The following NOSTRIN variants were observed in gnomAD, a reference collection of about 807,000 sequenced individuals.
NOSTRIN encodes the protein nitric oxide synthase trafficking, also known as BM247 homolog.
NOSTRIN carries 63 observed loss-of-function variants against 59.0 expected under a neutral mutation model. That is an observed-to-expected ratio of 1.07 (90% CI 0.87 to 1.32). NOSTRIN has a LOEUF of 1.32. Among genes scored for constraint, NOSTRIN ranks in the 40% most tolerant of loss-of-function variants. The probability of loss-of-function intolerance (pLI) is 0.00; values close to 1 mark genes in which losing one functional copy is unlikely to be tolerated. For synonymous variants in NOSTRIN, 200 were observed against 165.4 expected (o/e 1.21, Z -1.61); for missense variants, 512 against 473.1 (o/e 1.08, Z -0.76).
intron 10 of NOSTRIN, among the ~76,000 whole-genome samples, chr2:168,853,264 T>A (rs1420901035): frequency 2.0e-5 from 3 of 152,348 alleles, no homozygotes; most frequent in Middle Eastern, 3.4e-3. Flanking sequence ...TTTATAGTCA[T>A]TGTCAATAAG....
At chr2:168,831,560 G>A (rs200361405) in intron 6 of NOSTRIN, 26 bp downstream of exon 6, 208 of 838,602 alleles carry the variant, frequency 2.5e-4, no homozygotes, top group Non-Finnish European at 4.2e-4. Flanking sequence ...TACCATTTGT[G>A]TAAACTCAGT....
intron 10 of NOSTRIN, among the ~76,000 whole-genome samples, chr2:168,853,077 C>A (rs1688869297): frequency 6.6e-6 from 1 of 152,124 alleles, no homozygotes; most frequent in African/African-American, 2.4e-5. Flanking sequence ...TGTAAGGAGG[C>A]AGCCATGATG....
At chr2:168,796,359 G>A (rs1685479211), upstream of NOSTRIN, among the ~76,000 whole-genome samples, 1 of 152,330 alleles carries the variant, frequency 6.6e-6, no homozygotes, top group East Asian at 1.9e-4. Flanking sequence ...CCTGCTGACA[G>A]CTAGCTGCTC....
intron 11 of NOSTRIN, 22 bp downstream of exon 11, chr2:168,855,482 T>C: frequency 1.4e-6 from 2 of 1,385,544 alleles, no homozygotes; most frequent in Non-Finnish European, 2.0e-6. Flanking sequence ...TCTCTTTGAA[T>C]GGCCAGAAAA....
rs563683019 is a variant in NOSTRIN at position 168,828,231 on chromosome 2, C to G, written c.260+11C>G. The G allele has an allele frequency of 1.1e-6, 1 of 872,804 alleles. No individual in the cohort carries two copies. The highest frequency in any genetic ancestry group is 2.4e-5 in the East Asian group (1 of 41,714). 54.1% of individuals were successfully genotyped at this position (872,804 alleles called of 1,614,324 possible). On this transcript the variant is annotated intron_variant, in intron 4 of 15. Transcript: ENST00000317647. ...AGCGGACCTGCATCAGTGAGTTCTC[C>G]CACCCTGGCCTTTCTCCAACTCCAA...
At chr2:168,815,844 G>T (rs921374961) in intron 2 of NOSTRIN, among the ~76,000 whole-genome samples, 1 of 152,102 alleles carries the variant, frequency 6.6e-6, no homozygotes, top group Non-Finnish European at 1.5e-5. Context: ...CTAAAACAGG[G>T]TTTATCCACT....
Position 168,834,507 on chromosome 2 carries a change from G to GCACA in NOSTRIN, c.504+214_504+217dup, listed in dbSNP as rs1553527194. Among the ~76,000 whole-genome samples, 210 of 125,394 alleles carry GCACA rather than the reference G, an allele frequency of 1.7e-3. 1 individual carries two copies. The highest frequency in any genetic ancestry group is 1.8e-3 in the Non-Finnish European group (106 of 60,220). The allele number at this position is 125,394 out of a possible 152,430, so 82.3% of individuals were successfully genotyped here. A position where few individuals can be genotyped will look rare whatever the true frequency, so the allele number is the denominator to read the frequency against. On this transcript the variant is annotated intron_variant, in intron 7 of 15. Coordinates refer to ENST00000317647, the MANE Select transcript of NOSTRIN (RefSeq NM_001039724.4). ...TACTGGCGTGCGCGCGCGCGCGCGCGCACACACACACACACACACACACAC... is the reference window on the plus strand; with the variant it reads ...TACTGGCGTGCGCGCGCGCGCGCGCGCACACACACACACACACACACACACACAC...
Position 168,864,922 on chromosome 2 carries a change from T to C in NOSTRIN, c.1473T>C (p.Tyr491=). Residue 491 remains tyrosine, a synonymous_variant, in exon 16 of 16, where the codon TAT becomes TAC. Transcript: ENST00000317647. ...NGKKGHFPAA[Y]VEELPSNAGN... ...AAAAAGGCCATTTTCCTGCCGCTTA[T>C]GTGGAGGAGTTACCTTCAAATGCTG... is the stretch of plus-strand genomic sequence containing the variant. 5.0e-6 allele frequency: 8 copies of C among 1,614,122 alleles called. No individual in the cohort carries two copies. Among genetic ancestry groups the C allele is most frequent in the Non-Finnish European group, 6.8e-6 (8 of 1,180,008 alleles).
At chr2:168,815,253 C>G (rs556957681) in intron 2 of NOSTRIN, among the ~76,000 whole-genome samples, 3 of 152,304 alleles carry the variant, frequency 2.0e-5, no homozygotes, top group African/African-American at 7.2e-5. Context: ...CTTCTTTTAT[C>G]CAATTAGCTA....
At chr2:168,845,628 C>G (rs974712282) in intron 8 of NOSTRIN, among the ~76,000 whole-genome samples, 1 of 152,196 alleles carries the variant, frequency 6.6e-6, no homozygotes, top group Admixed American at 6.5e-5. Context: ...ACCACTCCCC[C>G]TTCTCAGCAT....
At chr2:168,831,422 A>G (rs1687354197) in intron 5 of NOSTRIN, 50 bp from the exon 6 acceptor site, 2 of 843,534 alleles carry the variant, frequency 2.4e-6, no homozygotes, top group Non-Finnish European at 4.2e-6. Context: ...TATTACAGCA[A>G]CTAAACAAGA....
At chr2:168,840,569 C>T (rs1688035347) in intron 7 of NOSTRIN, among the ~76,000 whole-genome samples, 1 of 150,264 alleles carries the variant, frequency 6.7e-6, no homozygotes, top group Non-Finnish European at 1.5e-5. Flanking sequence ...ACAGATATGT[C>T]CTGTGTAGGT....
chr2:168,807,727 G>A lies in NOSTRIN; in HGVS notation c.28-3840G>A, dbSNP rs570158695. Among the ~76,000 whole-genome samples the A allele has an allele frequency of 5.9e-5, 9 of 152,250 alleles. No individual in the cohort carries two copies. The South Asian group carries it at 8.3e-4, about 14-fold the overall frequency. On this transcript the variant is annotated intron_variant, in intron 1 of 15. Transcript: ENST00000317647. ...GAATTGGCAGAGTATGGCTGGGAGC[G>A]AGGTACGAGGCAAAGCCATGGGCCA...
chr2:168,787,908 C>T (rs1685246994), exon 2 of NOSTRIN: 1 of 151,934 alleles, frequency 6.6e-6, no homozygotes, highest in Admixed American at 6.6e-5. Flanking sequence ...GGTCTTACAG[C>T]CAGAAAGTGG....
chr2:168,830,086 G>A (rs763269549), intron 5 of NOSTRIN, among the ~76,000 whole-genome samples: 2 of 152,204 alleles, frequency 1.3e-5, no homozygotes, highest in Admixed American at 6.5e-5. Flanking sequence ...TTGCTAGCAA[G>A]CAATATAACC....
intron 15 of NOSTRIN, among the ~76,000 whole-genome samples, chr2:168,863,183 G>A (rs758557330): frequency 1.3e-5 from 2 of 152,132 alleles, no homozygotes; most frequent in African/African-American, 2.4e-5. Flanking sequence ...AATGAAACAC[G>A]ACGTTGGAGC....
At position 168,851,379 on chromosome 2, in the gene NOSTRIN, C is replaced by G; in HGVS notation, c.830C>G (p.Ser277Cys). Reference sequence around the variant, plus strand: ...GCAATTTTATCTACAGAAAACAAATCTGAGTTCCTGTTAACGGATTACTTT... The same window carrying G: ...GCAATTTTATCTACAGAAAACAAATGTGAGTTCCTGTTAACGGATTACTTT... ...ETAILSTENK[S>C]EFLLTDYFEE... Residue 277 changes from serine (S) to cysteine (C), a missense_variant, in exon 10 of 16, where the codon TCT becomes TGT. Transcript: ENST00000317647. The G allele has an allele frequency of 6.2e-7, 1 of 1,612,052 alleles. No homozygotes were observed. Among genetic ancestry groups the G allele is most frequent in the African/African-American group, 1.3e-5 (1 of 74,902 alleles).
Position 168,865,309 on chromosome 2 carries a change from G to T in NOSTRIN, c.*339G>T. 4.9e-6 allele frequency: 1 copy of T among 202,840 alleles called. No homozygotes were observed. The allele number at this position is 202,840 out of a possible 1,614,324, so 12.6% of individuals were successfully genotyped here. On this transcript the variant is annotated 3_prime_UTR_variant, in exon 16 of 16. Coordinates refer to ENST00000317647, the MANE Select transcript of NOSTRIN (RefSeq NM_001039724.4). ...TGCCTGAAGTCAGAGTTATCTGGTA[G>T]ACAACAGCAGTGGGACTTAGATGTC...
intron 8 of NOSTRIN, among the ~76,000 whole-genome samples, chr2:168,847,432 A>G (rs924346475): frequency 1.3e-5 from 2 of 152,182 alleles, no homozygotes; most frequent in African/African-American, 4.8e-5. Context: ...GAGCCTCTGA[A>G]TGATTATAAA....
Sources: gnomAD v4.1 joint callset for allele counts (sites outside exome capture counted in the v4.1 genomes callset) on GRCh38, gnomAD v4.1.1 for gene constraint, MANE v1.5 for transcripts, NCBI Gene and HGNC (gene_info 2026-07-23, HGNC 2026-07-21) for gene names.